UBE3C: variants seen among roughly 807,000 people sequenced by gnomAD.
UBE3C encodes the protein ubiquitin-protein ligase E3C.
A neutral mutation model predicts 129.4 loss-of-function variants in UBE3C; 42 were observed. The observed-to-expected ratio is 0.32, with a 90% confidence interval of 0.25 to 0.42. The LOEUF is 0.42. Ranked by LOEUF, UBE3C falls within the 10% of genes least tolerant of loss-of-function variation. UBE3C has a pLI of 1.00. For synonymous variants in UBE3C, 510 were observed against 492.4 expected, an observed-to-expected ratio of 1.04 and a Z score of -0.47; for missense variants, 1,049 against 1,319.1, an observed-to-expected ratio of 0.80 and a Z score of 3.17.
intron 18 of UBE3C, among the ~76,000 whole-genome samples, chr7:157,245,838 A>G (rs1330621758): frequency 6.6e-6 from 1 of 152,034 alleles, no homozygotes; most frequent in Non-Finnish European, 1.5e-5. Flanking sequence ...TAAAAATACA[A>G]AAATTAGCTG....
chr7:157,243,682 C>T (rs552105794), intron 18 of UBE3C, among the ~76,000 whole-genome samples: 11 of 152,122 alleles, frequency 7.2e-5, no homozygotes, highest in African/African-American at 1.7e-4. Context: ...CCAAGTGTTG[C>T]GGGAGTTGAT....
intron 19 of UBE3C, among the ~76,000 whole-genome samples, chr7:157,251,486 G>T (rs1410717643): frequency 3.9e-5 from 6 of 152,186 alleles, no homozygotes; most frequent in African/African-American, 4.8e-5. Flanking sequence ...TCCTGGTTTG[G>T]CCGCTTTTCT....
chr7:157,239,490 G>A (rs777917392), intron 18 of UBE3C, among the ~76,000 whole-genome samples: 7 of 152,180 alleles, frequency 4.6e-5, no homozygotes, highest in South Asian at 4.1e-4. Flanking sequence ...CATTTTCTGC[G>A]CTGTGGACTA....
chr7:157,205,773 G>A (rs1222215112), intron 11 of UBE3C, among the ~76,000 whole-genome samples: 2 of 152,148 alleles, frequency 1.3e-5, no homozygotes, highest in African/African-American at 4.8e-5. Flanking sequence ...CTCAGGTTGT[G>A]TAGCATGTGG....
chr7:157,224,357 G>C (rs1795816176), intron 16 of UBE3C, among the ~76,000 whole-genome samples: 2 of 152,008 alleles, frequency 1.3e-5, no homozygotes, highest in Non-Finnish European at 2.9e-5. Context: ...ACCATGCCTG[G>C]CTAATTTTTT....
At chr7:157,151,088 A>G (rs918208865) in intron 1 of UBE3C, among the ~76,000 whole-genome samples, 3 of 152,144 alleles carry the variant, frequency 2.0e-5, no homozygotes, top group Admixed American at 2.0e-4. Context: ...GTCATGGTGT[A>G]TTTGTCCAGC....
In UBE3C at chr7:157,256,894, A is replaced by G; in HGVS notation, c.2951-20A>G. 5 of 1,613,798 alleles carry G rather than the reference A, an allele frequency of 3.1e-6. No homozygotes were observed. The highest frequency in any genetic ancestry group is 4.2e-6 in the Non-Finnish European group (5 of 1,179,762). On this transcript the variant is annotated intron_variant, in intron 21 of 22. Transcript: ENST00000348165. ...GGGTGTGCTTTGCATTTCATAAAGC[A>G]TGTGTTCATTTTGCCATAGGAGGCT...
At chr7:157,198,900 C>T (rs1809200146) in intron 10 of UBE3C, among the ~76,000 whole-genome samples, 3 of 152,272 alleles carry the variant, frequency 2.0e-5, no homozygotes, top group African/African-American at 7.2e-5. Flanking sequence ...AATATTCTGT[C>T]AGGGTTAGCT....
chr7:157,206,332 G>A (rs1339422458), intron 11 of UBE3C, among the ~76,000 whole-genome samples: 1 of 150,336 alleles, frequency 6.7e-6, no homozygotes, highest in East Asian at 2.0e-4. Flanking sequence ...GCACGATCTC[G>A]GCTCACTGCA....
At chr7:157,154,137 A>T (rs535727038) in intron 1 of UBE3C, among the ~76,000 whole-genome samples, 2 of 152,248 alleles carry the variant, frequency 1.3e-5, no homozygotes, top group South Asian at 4.1e-4. Flanking sequence ...TCTGGCCAAG[A>T]TGGTGAAATC....
intron 10 of UBE3C, among the ~76,000 whole-genome samples, chr7:157,191,984 T>C (rs1808981171): frequency 6.6e-6 from 1 of 152,212 alleles, no homozygotes; most frequent in African/African-American, 2.4e-5. Context: ...TGCATTCTCT[T>C]TCATGAAGTT....
chr7:157,168,555 GATGA>G (rs1469293895), intron 2 of UBE3C, among the ~76,000 whole-genome samples: 2 of 152,190 alleles, frequency 1.3e-5, no homozygotes. Flanking sequence ...TCCATCAGTA[GATGA>G]ATGGAGGAAT....
At position 157,178,188 on chromosome 7, in the gene UBE3C, T is replaced by C. The variant is rs113720731; in HGVS notation, c.459-502T>C. 5.1e-3 allele frequency among the ~76,000 whole-genome samples: 771 copies of C among 152,212 alleles called. 4 individuals carry two copies. Among genetic ancestry groups the C allele is most frequent in the African/African-American group, 8.8e-3 (366 of 41,524 alleles). ...CTCTAAACGGATAGTTAACCTGCAGTTCTTCTCATAGTAAGAAGGGAAGCC... is the reference window on the plus strand; with the variant it reads ...CTCTAAACGGATAGTTAACCTGCAGCTCTTCTCATAGTAAGAAGGGAAGCC... On this transcript the variant is annotated intron_variant, in intron 5 of 22. Transcript: ENST00000348165.
chr7:157,186,716 T>G, intron 9 of UBE3C, 118 bp from the exon 10 acceptor site: 4 of 1,168,746 alleles, frequency 3.4e-6, no homozygotes, highest in East Asian at 2.4e-5. Context: ...TAGATAATTT[T>G]GAGATGATGC....
intron 10 of UBE3C, among the ~76,000 whole-genome samples, chr7:157,189,932 C>CT (rs147701036): frequency 0.013 from 2,037 of 152,228 alleles, 38 homozygotes; most frequent in African/African-American, 0.047. Context: ...TCCCGAGTAG[C>CT]TGAGATTACG....
Position 157,244,724 on chromosome 7 carries a change from TTA to T in UBE3C, c.2482-3640_2482-3639del, listed in dbSNP as rs1392487762. On this transcript the variant is annotated intron_variant, in intron 18 of 22. Coordinates refer to ENST00000348165, the MANE Select transcript of UBE3C (RefSeq NM_014671.3). ...TTAATTGCGTCGCGACTGCACTCAC[TTA>T]TATTAAAAGGCTTCTACTATAATTA... 3.3e-5 allele frequency among the ~76,000 whole-genome samples: 5 copies of T among 152,382 alleles called. No homozygotes were observed. The East Asian group carries it at 9.6e-4, about 29-fold the overall frequency.
chr7:157,268,405 G>A lies in UBE3C; in HGVS notation c.*650G>A, dbSNP rs1441624515. 1 of 152,678 alleles carries A rather than the reference G, an allele frequency of 6.5e-6. No homozygotes were observed. Among genetic ancestry groups the A allele is most frequent in the African/African-American group, 2.4e-5 (1 of 41,438 alleles). The allele number at this position is 152,678 out of a possible 1,614,324, so 9.5% of individuals were successfully genotyped here. ...TGATGGTTTGGAGATACTGTCTGTG[G>A]ATGTGAGGTGGGGACTTCATTCATT... is the stretch of plus-strand genomic sequence containing the variant. On this transcript the variant is annotated 3_prime_UTR_variant, in exon 23 of 23. Coordinates refer to ENST00000348165, the MANE Select transcript of UBE3C (RefSeq NM_014671.3).
At chr7:157,144,942 A>G (rs917680998) in intron 1 of UBE3C, among the ~76,000 whole-genome samples, 5 of 152,222 alleles carry the variant, frequency 3.3e-5, no homozygotes, top group African/African-American at 1.2e-4. Context: ...GATGACATGT[A>G]TCTACCCTTA....
chr7:157,157,973 GATATATATATATAT>G (rs67483339), intron 1 of UBE3C, among the ~76,000 whole-genome samples: 5 of 142,184 alleles, frequency 3.5e-5, no homozygotes, highest in Non-Finnish European at 7.5e-5. Flanking sequence ...GATATATATA[GATATATATATATAT>G]AGAGAGAGAG....
Sources: gnomAD v4.1 joint callset for allele counts (sites outside exome capture counted in the v4.1 genomes callset) on GRCh38, gnomAD v4.1.1 for gene constraint, MANE v1.5 for transcripts, NCBI Gene and HGNC (gene_info 2026-07-23, HGNC 2026-07-21) for gene names.